The following ATG3 variants were observed in gnomAD, a reference collection of about 807,000 sequenced individuals.
ATG3 encodes ubiquitin-like-conjugating enzyme ATG3.
Under a neutral mutation model 50.7 loss-of-function variants are expected in ATG3, and 25 were observed. The observed-to-expected ratio is 0.49, with a 90% confidence interval of 0.36 to 0.69. The LOEUF (loss-of-function observed/expected upper bound fraction) is 0.69. Among genes scored for constraint, ATG3 ranks in the 30% least tolerant of loss-of-function variants. The pLI is 0.00. For missense variants in ATG3, 281 were observed against 376.0 expected (o/e 0.75, Z 2.09); for synonymous variants, 119 against 125.5 (o/e 0.95, Z 0.34).
intron 11 of ATG3, chr3:112,533,797 C>T (rs1227577938): frequency 4.4e-5 from 43 of 985,368 alleles, no homozygotes; most frequent in Non-Finnish European, 5.1e-5. Flanking sequence ...AAAGGTGCTA[C>T]TGTCTTGAGA....
At chr3:112,536,829 G>C (rs1481068059) in intron 9 of ATG3, 3 of 275,086 alleles carry the variant, frequency 1.1e-5, no homozygotes, top group Non-Finnish European at 2.1e-5. Context: ...GCTGAGGCAG[G>C]AGAATGGCGT....
chr3:112,538,264 T>C, intron 7 of ATG3, 84 bp from the exon 8 acceptor site: 1 of 1,103,376 alleles, frequency 9.1e-7, no homozygotes, highest in Non-Finnish European at 1.3e-6. Context: ...CTTCATAGTA[T>C]CATTCAAAAA....
intron 9 of ATG3, among the ~76,000 whole-genome samples, chr3:112,537,157 A>G (rs895951250): frequency 2.0e-5 from 3 of 151,888 alleles, no homozygotes; most frequent in African/African-American, 4.8e-5. Context: ...CCCAATGCAG[A>G]AAAAAAATCT....
chr3:112,544,658 GA>G (rs576984897), intron 5 of ATG3, among the ~76,000 whole-genome samples: 5 of 64,104 alleles, frequency 7.8e-5, no homozygotes, highest in African/African-American at 8.4e-5. Flanking sequence ...CCGTCTCAGG[GA>G]AAAAAAAAAA....
intron 2 of ATG3, among the ~76,000 whole-genome samples, chr3:112,553,603 A>G (rs902384098): frequency 2.6e-5 from 4 of 152,234 alleles, no homozygotes; most frequent in Non-Finnish European, 5.9e-5. Flanking sequence ...CAGTTTTTAT[A>G]ATTGGATTAA....
intron 4 of ATG3, among the ~76,000 whole-genome samples, chr3:112,549,806 A>C (rs1204385209): frequency 3.0e-5 from 4 of 134,782 alleles, no homozygotes; most frequent in African/African-American, 1.1e-4. Flanking sequence ...ACCAAAAAAA[A>C]AAAAAAAAAA....
intron 7 of ATG3, among the ~76,000 whole-genome samples, chr3:112,540,796 A>G (rs1019863692): frequency 6.6e-6 from 1 of 152,234 alleles, no homozygotes; most frequent in Non-Finnish European, 1.5e-5. Context: ...AACAGAATCA[A>G]TGCAGAAAAG....
chr3:112,548,491 T>C, intron 5 of ATG3, 42 bp downstream of exon 5: 2 of 1,489,610 alleles, frequency 1.3e-6, no homozygotes, highest in East Asian at 4.5e-5. Context: ...TGTGAAAGAG[T>C]TTAATTTAAA....
chr3:112,554,836 C>A (rs1339616898), intron 2 of ATG3, among the ~76,000 whole-genome samples: 1 of 152,098 alleles, frequency 6.6e-6, no homozygotes, highest in African/African-American at 2.4e-5. Flanking sequence ...TAAGATGAAA[C>A]ATTAACAAGA....
intron 11 of ATG3, 33 bp from the exon 12 acceptor site, chr3:112,532,813 G>A (rs2082565620): frequency 6.4e-7 from 1 of 1,553,830 alleles, no homozygotes; most frequent in African/African-American, 1.4e-5. Context: ...AATAAGATTT[G>A]TAAATAGTTC....
chr3:112,554,199 T>C (rs1282432933), intron 2 of ATG3, among the ~76,000 whole-genome samples: 2 of 152,192 alleles, frequency 1.3e-5, no homozygotes, highest in African/African-American at 4.8e-5. Context: ...AGGATGTGCA[T>C]TGTCAGGCCT....
chr3:112,544,243 CA>C, intron 5 of ATG3, 137 bp from the exon 6 acceptor site: 1 of 643,536 alleles, frequency 1.6e-6, no homozygotes, highest in Non-Finnish European at 2.7e-6. Flanking sequence ...AGTATCTTTA[CA>C]AATGAACTCT....
chr3:112,534,440 G>A, intron 10 of ATG3, 103 bp from the exon 11 acceptor site: 1 of 799,582 alleles, frequency 1.3e-6, no homozygotes, highest in Non-Finnish European at 1.8e-6. Context: ...TACTCTCAGT[G>A]AATTAATTTT....
intron 5 of ATG3, among the ~76,000 whole-genome samples, chr3:112,546,457 G>A (rs764934784): frequency 3.3e-5 from 5 of 152,150 alleles, no homozygotes; most frequent in Non-Finnish European, 5.9e-5. Context: ...TCCCAACAGT[G>A]GGGACAAAAA....
intron 11 of ATG3, 181 bp from the exon 12 acceptor site, chr3:112,532,961 A>C (rs2082566808): frequency 6.3e-6 from 8 of 1,264,580 alleles, no homozygotes; most frequent in Non-Finnish European, 8.0e-6. Flanking sequence ...AGGCTCTTTA[A>C]GACTACCTGA....
At chr3:112,534,220 A>AC in intron 11 of ATG3, 49 bp downstream of exon 11, 1 of 1,589,000 alleles carries the variant, frequency 6.3e-7, no homozygotes, top group Non-Finnish European at 8.5e-7. Flanking sequence ...TCAAAAAAAA[A>AC]ATCGTTAACA....
intron 10 of ATG3, 166 bp downstream of exon 10, chr3:112,536,309 T>C: frequency 1.3e-6 from 1 of 764,278 alleles, no homozygotes; most frequent in Non-Finnish European, 2.0e-6. Context: ...TCCTTTTTCT[T>C]ATATATTTAA....
At chr3:112,543,425 A>G (rs1052973836) in intron 6 of ATG3, among the ~76,000 whole-genome samples, 1 of 152,060 alleles carries the variant, frequency 6.6e-6, no homozygotes, top group Admixed American at 6.5e-5. Flanking sequence ...ACTCTACCCA[A>G]TTATGTTTTA....
intron 11 of ATG3, chr3:112,533,949 G>A (rs2082573558): frequency 9.1e-7 from 1 of 1,100,786 alleles, no homozygotes. Flanking sequence ...TTACCTGATG[G>A]GAAAGTACAT....
Sources: gnomAD v4.1 joint callset for allele counts (sites outside exome capture counted in the v4.1 genomes callset) on GRCh38, gnomAD v4.1.1 for gene constraint, MANE v1.5 for transcripts, NCBI Gene and HGNC (gene_info 2026-07-23, HGNC 2026-07-21) for gene names.